The following FRMPD3 variants were observed in gnomAD, a reference collection of about 807,000 sequenced individuals.
FRMPD3 encodes FERM and PDZ domain containing 3, also known as FERM and PDZ domain-containing protein 3.
Under a neutral mutation model 97.9 loss-of-function variants are expected in FRMPD3, and 42 were observed. The ratio of observed to expected loss-of-function variants is 0.43; its 90% CI spans 0.34 to 0.55. The LOEUF (loss-of-function observed/expected upper bound fraction) is 0.55, where lower values mean the gene tolerates loss of function less well. Ranked by LOEUF, FRMPD3 falls within the 20% of genes least tolerant of loss-of-function variation. The pLI, the probability that FRMPD3 is intolerant of heterozygous loss-of-function variation, is 0.03. For synonymous variants in FRMPD3, 577 were observed against 581.1 expected (o/e 0.99, Z 0.10); for missense variants, 1,303 against 1,457.7 (o/e 0.89, Z 1.73).
intron 1 of FRMPD3, among the ~76,000 whole-genome samples, chrX:107,483,491 A>G (rs1457599877): frequency 1.8e-5 from 2 of 111,795 alleles, no homozygotes; most frequent in Non-Finnish European, 3.8e-5. Flanking sequence ...CCACTTTCTG[A>G]GCACAAAAGC....
At chrX:107,593,587 G>C (rs1924014324) in intron 13 of FRMPD3, among the ~76,000 whole-genome samples, 1 of 111,311 alleles carries the variant, frequency 9.0e-6, no homozygotes, top group African/African-American at 3.3e-5. Flanking sequence ...TGAGAGATGA[G>C]GATCCAGTTT....
chrX:107,468,148 G>A (rs112849793), intron 1 of FRMPD3, among the ~76,000 whole-genome samples: 3,049 of 111,553 alleles, frequency 0.027, 99 homozygotes, highest in African/African-American at 0.094. Flanking sequence ...TATTAAGGCA[G>A]GGTGGTGTGG....
chrX:107,549,697 A>T (rs1005755649), intron 5 of FRMPD3, among the ~76,000 whole-genome samples: 1 of 111,598 alleles, frequency 9.0e-6, no homozygotes, highest in Admixed American at 9.5e-5. Context: ...AAAATGTCAG[A>T]GATAAGATCA....
chrX:107,501,987 C>A (rs1033036860), intron 1 of FRMPD3, among the ~76,000 whole-genome samples: 13 of 110,694 alleles, frequency 1.2e-4, no homozygotes, highest in African/African-American at 4.3e-4. Flanking sequence ...GCCCAGCCCC[C>A]CTCTCCACAG....
intron 2 of FRMPD3, among the ~76,000 whole-genome samples, chrX:107,529,036 C>T (rs1180388125): frequency 8.9e-6 from 1 of 112,594 alleles, no homozygotes; most frequent in African/African-American, 3.2e-5. Flanking sequence ...GGGATCTGGC[C>T]CTTCAAAGTG....
intron 13 of FRMPD3, among the ~76,000 whole-genome samples, chrX:107,594,843 T>G (rs905118016): frequency 5.4e-5 from 6 of 111,189 alleles, no homozygotes; most frequent in Non-Finnish European, 5.7e-5. Flanking sequence ...TTCGTGCCAT[T>G]GCACTCCACC....
chrX:107,585,119 G>A (rs899386568), intron 13 of FRMPD3, among the ~76,000 whole-genome samples: 4 of 111,249 alleles, frequency 3.6e-5, no homozygotes, highest in African/African-American at 9.8e-5. Context: ...TCATTTCCTT[G>A]AGCAGTGGTT....
Position 107,507,208 on chromosome X carries a change from C to T in FRMPD3, c.-7-19374C>T, listed in dbSNP as rs1401702344. 2.7e-5 allele frequency among the ~76,000 whole-genome samples: 3 copies of T among 110,726 alleles called. No homozygotes were observed. In the Admixed American group the frequency reaches 2.8e-4, roughly 10 times the overall value. ...CGCGTCGGAAGCAGACATCCATCTC[C>T]GTCCCTCACCCCGAGATCCCAAGGA... On this transcript the variant is annotated intron_variant, in intron 1 of 14. Coordinates refer to ENST00000683843, the MANE Select transcript of FRMPD3 (RefSeq NM_001388459.1).
At chrX:107,550,832 G>A (rs1005497797) in intron 6 of FRMPD3, among the ~76,000 whole-genome samples, 1 of 111,774 alleles carries the variant, frequency 8.9e-6, no homozygotes, top group Admixed American at 9.4e-5. Flanking sequence ...ACTCTCTCCA[G>A]AAAGAGAATG....
In FRMPD3 at chrX:107,597,951, A is replaced by G; in HGVS notation, c.2072A>G (p.Gln691Arg). 8.3e-7 allele frequency: 1 copy of G among 1,210,806 alleles called. No individual in the cohort carries two copies. The highest frequency in any genetic ancestry group is 1.1e-6 in the Non-Finnish European group (1 of 895,408). The change falls in exon 14 of 15, where the codon CAG becomes CGG. Residue 691 changes from glutamine to arginine, a missense_variant. Physicochemically the swap from Gln to Arg is conservative, Grantham distance 43. This residue lies in a region of FRMPD3 where 535 missense variants were observed against 618.6 expected (regional missense o/e 0.86). Transcript: ENST00000683843. ...CCCAAGCGCCGGGCTGTCCAGAGCC[A>G]GGAACAAGGACGCCACCTGCGTGGG... ...DDPKRRAVQS[Q>R]EQGRHLRGLL...
At chrX:107,461,303 C>G (rs1440826271) in intron 1 of FRMPD3, among the ~76,000 whole-genome samples, 1 of 111,598 alleles carries the variant, frequency 9.0e-6, no homozygotes, top group Admixed American at 9.5e-5. Context: ...TTACCCTCCA[C>G]GCTGAAAGCT....
At chrX:107,576,269 C>T in intron 12 of FRMPD3, 46 bp from the exon 13 acceptor site, 4 of 1,181,278 alleles carry the variant, frequency 3.4e-6, no homozygotes, top group Non-Finnish European at 4.6e-6. Context: ...ATGCATCTGC[C>T]TCCCTCCTTC....
At chrX:107,558,609 CAAT>C (rs1056989745) in intron 8 of FRMPD3, among the ~76,000 whole-genome samples, 2 of 111,032 alleles carry the variant, frequency 1.8e-5, no homozygotes, top group African/African-American at 6.5e-5. Flanking sequence ...TATTCAAAAA[CAAT>C]AAAAAATAAC....
In FRMPD3 at chrX:107,560,776, A is replaced by T. The variant is rs776229062; in HGVS notation, c.949A>T (p.Ile317Phe). 3.4e-6 allele frequency: 4 copies of T among 1,176,762 alleles called. No homozygotes were observed. The highest frequency in any genetic ancestry group is 4.6e-6 in the Non-Finnish European group (4 of 877,559). Residue 317 changes from isoleucine to phenylalanine, a missense_variant, in exon 10 of 15, where the codon ATC (isoleucine) becomes TTC (phenylalanine). Coordinates refer to ENST00000683843, the MANE Select transcript of FRMPD3 (RefSeq NM_001388459.1). ...TCTTCCCCCCTCCCTCCTGCAGGTC[A>T]TCAAAGAGAAGAACCTCCGGAAATC... ...PFLPPSLLQV[I>F]KEKNLRKSLS...
intron 2 of FRMPD3, among the ~76,000 whole-genome samples, chrX:107,527,245 G>A (rs187050889): frequency 8.9e-6 from 1 of 112,271 alleles, no homozygotes; most frequent in East Asian, 2.8e-4. Flanking sequence ...GATAGGAGAG[G>A]AGAGGATAAT....
At chrX:107,469,130 G>A (rs1029419425) in intron 1 of FRMPD3, among the ~76,000 whole-genome samples, 41 of 111,657 alleles carry the variant, frequency 3.7e-4, no homozygotes, top group African/African-American at 1.2e-3. Flanking sequence ...TGATCCAGTA[G>A]GCATTGAAAA....
In FRMPD3 at chrX:107,526,665, G is replaced by C. The variant is rs749541832; in HGVS notation, c.77G>C (p.Arg26Pro). The C allele has an allele frequency of 8.3e-7, 1 of 1,208,641 alleles. No individual in the cohort carries two copies. The highest frequency in any genetic ancestry group is 1.8e-5 in the South Asian group (1 of 56,596). ...AEILRQVTVH[R>P]DPIYGFGFVA... ...ATACTGCGACAAGTGACCGTTCACC[G>C]AGACCCTATATATGGCTTTGGCTTC... The change falls in exon 2 of 15, where the codon CGA becomes CCA. Residue 26 changes from arginine to proline, a missense_variant. This residue lies in a region of FRMPD3 where 535 missense variants were observed against 618.6 expected (regional missense o/e 0.86). Transcript: ENST00000683843.
chrX:107,522,554 C>T (rs1378252421), intron 1 of FRMPD3: 2 of 479,498 alleles, frequency 4.2e-6, no homozygotes, highest in East Asian at 3.5e-5. Context: ...AGCTGGGCCA[C>T]CAATGTGCTT....
intron 4 of FRMPD3, among the ~76,000 whole-genome samples, chrX:107,534,493 G>A (rs1923129562): frequency 9.0e-6 from 1 of 111,103 alleles, no homozygotes; most frequent in African/African-American, 3.3e-5. Context: ...GCTGGACCTT[G>A]AGGGATGGGG....
Sources: allele counts gnomAD v4.1 joint callset (sites outside exome capture counted in the v4.1 genomes callset), GRCh38; gene constraint gnomAD v4.1.1; regional missense constraint gnomAD v4.1.1; transcripts MANE v1.5; gene names NCBI Gene and HGNC (gene_info 2026-07-23, HGNC 2026-07-21).